The following KCNMA1 variants were observed in gnomAD, a reference collection of about 807,000 sequenced individuals.
KCNMA1 encodes the protein Calcium-activated potassium channel subunit alpha-1.
In KCNMA1, 29 loss-of-function variants were observed where a neutral mutation model predicts 140.0. That is an observed-to-expected ratio of 0.21 (90% CI 0.15 to 0.28). The LOEUF (loss-of-function observed/expected upper bound fraction) is 0.28, where lower values mean the gene tolerates loss of function less well. Among genes scored for constraint, KCNMA1 ranks in the 10% least tolerant of loss-of-function variants. The probability of loss-of-function intolerance (pLI) is 1.00; values close to 1 mark genes in which losing one functional copy is unlikely to be tolerated. For synonymous variants in KCNMA1, 612 were observed against 611.9 expected, an observed-to-expected ratio of 1.00 and a Z score of 0.00; for missense variants, 880 against 1,602.2, an observed-to-expected ratio of 0.55 and a Z score of 7.70.
intron 5 of KCNMA1, among the ~76,000 whole-genome samples, chr10:77,180,484 T>A (rs1428196177): frequency 6.6e-6 from 1 of 152,232 alleles, no homozygotes; most frequent in African/African-American, 2.4e-5. Context: ...TGCTTTCTCC[T>A]ACAAGAGGAA....
rs1471188620 is a variant in KCNMA1 at position 77,373,431 on chromosome 10, T to G, written c.540+30431A>C. Among the ~76,000 whole-genome samples, 2 of 152,192 alleles carry G rather than the reference T, an allele frequency of 1.3e-5. 1 individual carries two copies. The highest frequency in any genetic ancestry group is 2.9e-5 in the Non-Finnish European group (2 of 68,030). ...GAATATTTGATTTTAAGCCTGAATC[T>G]TAAAAAGAATAATTTCCTCATAGGG... On this transcript the variant is annotated intron_variant, in intron 2 of 27. Coordinates refer to ENST00000286628, the MANE Select transcript of KCNMA1 (RefSeq NM_001161352.2).
intron 2 of KCNMA1, among the ~76,000 whole-genome samples, chr10:77,275,419 G>A (rs1194084341): frequency 6.6e-6 from 1 of 152,188 alleles, no homozygotes; most frequent in Non-Finnish European, 1.5e-5. Flanking sequence ...ATGTTACTTT[G>A]AGAAGGAAGC....
chr10:77,525,145 C>T (rs1414949017), intron 1 of KCNMA1, among the ~76,000 whole-genome samples: 1 of 152,188 alleles, frequency 6.6e-6, no homozygotes, highest in African/African-American at 2.4e-5. Flanking sequence ...AAGATGAAAA[C>T]AATACTTTCT....
chr10:77,326,292 G>C (rs746981357), intron 2 of KCNMA1, among the ~76,000 whole-genome samples: 9 of 152,080 alleles, frequency 5.9e-5, no homozygotes, highest in Non-Finnish European at 1.0e-4. Flanking sequence ...CCACCATGAA[G>C]CCTCTACACT....
In KCNMA1 at chr10:77,097,043, G is replaced by GT. The variant is rs2096950682; in HGVS notation, c.1224-6534dup. 2.6e-5 allele frequency among the ~76,000 whole-genome samples: 4 copies of GT among 152,180 alleles called. No individual in the cohort carries two copies. The South Asian group carries it at 8.3e-4, about 32-fold the overall frequency. On this transcript the variant is annotated intron_variant, in intron 9 of 27. Transcript: ENST00000286628. ...ACAGTGGTCAGCACCAAAGCTTCAC[G>GT]TTTGCCCCCCTAGGTTGACCTTGAA...
chr10:77,362,365 C>CCCCA (rs1555238717), intron 2 of KCNMA1, among the ~76,000 whole-genome samples: 20 of 119,110 alleles, frequency 1.7e-4, no homozygotes, highest in East Asian at 1.0e-3. Flanking sequence ...CCCCCCCACC[C>CCCCA]CACACACACA....
chr10:77,364,355 G>A (rs2094201719), intron 2 of KCNMA1, among the ~76,000 whole-genome samples: 1 of 151,962 alleles, frequency 6.6e-6, no homozygotes, highest in South Asian at 2.1e-4. Flanking sequence ...GGAGGCTGAG[G>A]CAGGACAATC....
chr10:77,060,903 G>A (rs1441478466), intron 14 of KCNMA1, among the ~76,000 whole-genome samples: 1 of 152,134 alleles, frequency 6.6e-6, no homozygotes, highest in South Asian at 2.1e-4. Flanking sequence ...GCTAGAAAAT[G>A]CAAGGAAACA....
At chr10:77,228,108 G>A (rs765655254) in intron 3 of KCNMA1, among the ~76,000 whole-genome samples, 2 of 151,934 alleles carry the variant, frequency 1.3e-5, no homozygotes, top group Non-Finnish European at 2.9e-5. Context: ...GGGATTACAG[G>A]CACGTGCCAC....
intron 1 of KCNMA1, among the ~76,000 whole-genome samples, chr10:77,425,483 G>A (rs1566768398): frequency 6.6e-6 from 1 of 152,090 alleles, no homozygotes; most frequent in Non-Finnish European, 1.5e-5. Context: ...CCCACACTCT[G>A]TTGAAACCTG....
At chr10:77,234,810 G>GCTGATCTCAAACTT (rs2054831984) in intron 3 of KCNMA1, among the ~76,000 whole-genome samples, 1 of 152,162 alleles carries the variant, frequency 6.6e-6, no homozygotes, top group African/African-American at 2.4e-5. Flanking sequence ...GACAGAGTTG[G>GCTGATCTCAAACTT]GATTTGCAAC....
At chr10:77,514,898 G>T (rs1249263555) in intron 1 of KCNMA1, among the ~76,000 whole-genome samples, 5 of 150,472 alleles carry the variant, frequency 3.3e-5, no homozygotes, top group Non-Finnish European at 7.4e-5. Flanking sequence ...TGCCTGTTTT[G>T]TTTTTTTTTG....
At chr10:77,568,318 T>C (rs1199910148) in intron 1 of KCNMA1, among the ~76,000 whole-genome samples, 2 of 151,872 alleles carry the variant, frequency 1.3e-5, no homozygotes, top group Non-Finnish European at 2.9e-5. Flanking sequence ...TGATGAACAT[T>C]GATGCAAAAA....
chr10:77,127,017 C>G (rs925351550), intron 5 of KCNMA1, among the ~76,000 whole-genome samples: 1 of 151,544 alleles, frequency 6.6e-6, no homozygotes, highest in Non-Finnish European at 1.5e-5. Context: ...GGAGTGTACA[C>G]ACGCCACAGA....
intron 1 of KCNMA1, among the ~76,000 whole-genome samples, chr10:77,505,068 G>T (rs2045345283): frequency 6.6e-6 from 1 of 152,154 alleles, no homozygotes. Context: ...GAGCACCAGG[G>T]TTAACGGCTG....
chr10:77,415,255 GTAAAA>G (rs1314798396), intron 1 of KCNMA1, among the ~76,000 whole-genome samples: 1 of 152,200 alleles, frequency 6.6e-6, no homozygotes, highest in Admixed American at 6.5e-5. Flanking sequence ...TGCCGTATTT[GTAAAA>G]TAACAATCTC....
chr10:77,331,178 T>C (rs1214451412), intron 2 of KCNMA1, among the ~76,000 whole-genome samples: 1 of 152,118 alleles, frequency 6.6e-6, no homozygotes, highest in Non-Finnish European at 1.5e-5. Flanking sequence ...TAGAGAACTT[T>C]TAAATCCCAC....
intron 9 of KCNMA1, among the ~76,000 whole-genome samples, chr10:77,097,516 AAGTTAAC>A (rs2096964327): frequency 1.3e-5 from 2 of 152,144 alleles, no homozygotes; most frequent in Admixed American, 1.3e-4. Context: ...GTGCAGAAAA[AAGTTAAC>A]AGGTAGTTCA....
chr10:77,622,997 G>C (rs2091783431), intron 1 of KCNMA1, among the ~76,000 whole-genome samples: 1 of 152,206 alleles, frequency 6.6e-6, no homozygotes, highest in South Asian at 2.1e-4. Context: ...GGGTGAACAG[G>C]CACTGGTGAG....
Sources: gnomAD v4.1 joint callset for allele counts (sites outside exome capture counted in the v4.1 genomes callset) on GRCh38, gnomAD v4.1.1 for gene constraint, MANE v1.5 for transcripts, NCBI Gene and HGNC (gene_info 2026-07-23, HGNC 2026-07-21) for gene names.